KAZN: variants seen among roughly 807,000 people sequenced by gnomAD.
KAZN encodes kazrin.
In KAZN, 40 loss-of-function variants were observed where a neutral mutation model predicts 87.4. The ratio of observed to expected loss-of-function variants is 0.46; its 90% CI spans 0.36 to 0.60. The LOEUF (loss-of-function observed/expected upper bound fraction) is 0.60, where lower values mean the gene tolerates loss of function less well. KAZN is among the 20% of genes least tolerant of loss of function. The probability of loss-of-function intolerance (pLI) is 0.00; values close to 1 mark genes in which losing one functional copy is unlikely to be tolerated. For missense variants in KAZN, 898 were observed against 1,073.9 expected (o/e 0.84, Z 2.29); for synonymous variants, 466 against 458.3 (o/e 1.02, Z -0.22).
chr1:14,478,348 A>T (rs1171396383), intron 2 of KAZN, among the ~76,000 whole-genome samples: 1 of 151,970 alleles, frequency 6.6e-6, no homozygotes, highest in Non-Finnish European at 1.5e-5. Context: ...AAAGGATGAC[A>T]AGTGAATACA....
intron 2 of KAZN, among the ~76,000 whole-genome samples, chr1:14,188,834 T>C (rs1413649278): frequency 6.6e-6 from 1 of 152,154 alleles, no homozygotes; most frequent in African/African-American, 2.4e-5. Context: ...TTGAATTCAA[T>C]ATCAGACTTT....
At chr1:14,043,368 TG>T (rs1641921210) in intron 1 of KAZN, among the ~76,000 whole-genome samples, 1 of 152,262 alleles carries the variant, frequency 6.6e-6, no homozygotes, top group South Asian at 2.1e-4. Context: ...TCCAGCCTTT[TG>T]GCTGTTGTGA....
intron 1 of KAZN, among the ~76,000 whole-genome samples, chr1:14,941,335 G>T (rs1184781475): frequency 6.6e-6 from 1 of 152,142 alleles, no homozygotes; most frequent in East Asian, 1.9e-4. Context: ...CATGAGTGGC[G>T]TCCAAGGCCA....
chr1:14,834,318 G>C (rs954808428), intron 1 of KAZN, among the ~76,000 whole-genome samples: 4 of 148,072 alleles, frequency 2.7e-5, no homozygotes, highest in Middle Eastern at 3.7e-3. Flanking sequence ...TTACAGGTGT[G>C]AGCCACTATG....
At chr1:14,274,903 T>G (rs1652229960) in intron 2 of KAZN, among the ~76,000 whole-genome samples, 1 of 152,026 alleles carries the variant, frequency 6.6e-6, no homozygotes, top group South Asian at 2.1e-4. Flanking sequence ...CAGTTGTCCA[T>G]AAGTCATTTC....
At chr1:14,331,906 C>T (rs1160038241) in intron 2 of KAZN, among the ~76,000 whole-genome samples, 1 of 152,018 alleles carries the variant, frequency 6.6e-6, no homozygotes, top group Non-Finnish European at 1.5e-5. Context: ...AAAAGAATAT[C>T]ATGCTATATA....
intron 1 of KAZN, chr1:14,945,841 G>T: frequency 1.0e-6 from 1 of 984,862 alleles, no homozygotes; most frequent in African/African-American, 1.7e-5. Flanking sequence ...GCTCCGGCCC[G>T]GAAGACTTGG....
intron 1 of KAZN, among the ~76,000 whole-genome samples, chr1:14,880,832 T>TCA (rs1653262073): frequency 6.6e-6 from 1 of 152,138 alleles, no homozygotes; most frequent in Non-Finnish European, 1.5e-5. Flanking sequence ...ACCTTGGAAG[T>TCA]CACATGGCAT....
intron 1 of KAZN, among the ~76,000 whole-genome samples, chr1:14,849,789 C>T (rs1310383966): frequency 6.6e-6 from 1 of 152,200 alleles, no homozygotes; most frequent in African/African-American, 2.4e-5. Context: ...CTTTATCATT[C>T]ATCCATTGTT....
chr1:14,198,107 A>G (rs1027491419), intron 2 of KAZN, among the ~76,000 whole-genome samples: 2 of 152,192 alleles, frequency 1.3e-5, no homozygotes, highest in East Asian at 1.9e-4. Flanking sequence ...GTTCTCAAGC[A>G]TAAAGACAAA....
chr1:14,136,734 G>A (rs974894439), intron 1 of KAZN, among the ~76,000 whole-genome samples: 3 of 152,112 alleles, frequency 2.0e-5, no homozygotes, highest in African/African-American at 7.2e-5. Context: ...GACTTGATGA[G>A]GTTAGTTTGT....
chr1:14,402,257 G>A (rs767919196), intron 2 of KAZN, among the ~76,000 whole-genome samples: 2 of 150,098 alleles, frequency 1.3e-5, no homozygotes, highest in African/African-American at 2.4e-5. Context: ...AAAAATCTTC[G>A]ATGTTATAGG....
In KAZN at chr1:15,116,450, T is replaced by TA. The variant is rs1387655657; in HGVS notation, c.*1817dup. On this transcript the variant is annotated 3_prime_UTR_variant, in exon 15 of 15. Coordinates refer to ENST00000376030, the MANE Select transcript of KAZN (RefSeq NM_201628.3). Reference sequence around the variant, plus strand: ...GTAGACAGGTGGATGTTTGGCCTCCTAAGGGCACACTTCTGATCCTGGGCC... The same window carrying TA: ...GTAGACAGGTGGATGTTTGGCCTCCTAAAGGGCACACTTCTGATCCTGGGCC... 1 of 152,252 alleles carries TA rather than the reference T, an allele frequency of 6.6e-6. No individual in the cohort carries two copies. The highest frequency in any genetic ancestry group is 1.5e-5 in the Non-Finnish European group (1 of 68,058). The allele number at this position is 152,252 out of a possible 1,614,324, so 9.4% of individuals were successfully genotyped here.
chr1:14,138,602 T>C (rs1425939557), intron 1 of KAZN, among the ~76,000 whole-genome samples: 1 of 152,098 alleles, frequency 6.6e-6, no homozygotes, highest in African/African-American at 2.4e-5. Flanking sequence ...CTCCGCATTG[T>C]TGGAATTCTG....
At chr1:14,230,532 C>T (rs556833022) in intron 2 of KAZN, among the ~76,000 whole-genome samples, 17 of 152,236 alleles carry the variant, frequency 1.1e-4, no homozygotes, top group Admixed American at 8.5e-4. Flanking sequence ...GAACTCGGGT[C>T]GGAGTCCAAT....
chr1:14,164,128 A>G (rs1170201659), intron 1 of KAZN, among the ~76,000 whole-genome samples: 1 of 152,340 alleles, frequency 6.6e-6, no homozygotes, highest in African/African-American at 2.4e-5. Context: ...CTGCTCATAA[A>G]TTACCTCCAA....
chr1:14,839,822 G>A (rs973078340), intron 1 of KAZN, among the ~76,000 whole-genome samples: 3 of 152,166 alleles, frequency 2.0e-5, no homozygotes, highest in African/African-American at 7.2e-5. Context: ...GTATGTCTTA[G>A]AGGCACCTCA....
At chr1:14,207,178 G>T (rs910590433) in intron 2 of KAZN, among the ~76,000 whole-genome samples, 3 of 151,990 alleles carry the variant, frequency 2.0e-5, no homozygotes, top group Non-Finnish European at 4.4e-5. Flanking sequence ...TGGCCAGGCT[G>T]GTCTCGAACT....
chr1:14,997,602 G>T (rs894091181), intron 2 of KAZN, among the ~76,000 whole-genome samples: 4 of 152,096 alleles, frequency 2.6e-5, no homozygotes, highest in African/African-American at 9.7e-5. Context: ...GCAGGGAGAC[G>T]GTGTCTGATG....
Sources: gnomAD v4.1 joint callset for allele counts (sites outside exome capture counted in the v4.1 genomes callset) on GRCh38, gnomAD v4.1.1 for gene constraint, MANE v1.5 for transcripts, NCBI Gene and HGNC (gene_info 2026-07-23, HGNC 2026-07-21) for gene names.